The following VAV2 variants were observed in gnomAD, a reference collection of about 807,000 sequenced individuals.
VAV2 encodes vav guanine nucleotide exchange factor 2, also known as guanine nucleotide exchange factor VAV2.
Under a neutral mutation model 132.5 loss-of-function variants are expected in VAV2, and 67 were observed. That is an observed-to-expected ratio of 0.51 (90% CI 0.42 to 0.62). The LOEUF (loss-of-function observed/expected upper bound fraction) is 0.62, where lower values mean the gene tolerates loss of function less well. Among genes scored for constraint, VAV2 ranks in the 20% least tolerant of loss-of-function variants. The pLI, the probability that VAV2 is intolerant of heterozygous loss-of-function variation, is 0.00. For missense variants in VAV2, 938 were observed against 1,153.6 expected (o/e 0.81, Z 2.71); for synonymous variants, 492 against 443.5 (o/e 1.11, Z -1.37).
At position 133,826,945 on chromosome 9, in the gene VAV2, C is replaced by G. The variant is rs1286854997; in HGVS notation, c.449+7327G>C. On this transcript the variant is annotated intron_variant, in intron 4 of 29. Coordinates refer to ENST00000371850, the MANE Select transcript of VAV2 (RefSeq NM_001134398.2). This position sits in a 1 kb window ranked among gnomAD's most constrained non-coding sequence, Gnocchi z 4.2. ...GCACTCATCACGGCGCTCTGTGGCA[C>G]CCAATCCGGGTGCCCTTTCCAAATC... 6.6e-6 allele frequency among the ~76,000 whole-genome samples: 1 copy of G among 152,150 alleles called. No homozygotes were observed. The highest frequency in any genetic ancestry group is 6.5e-5 in the Admixed American group (1 of 15,288).
At position 133,935,365 on chromosome 9, in the gene VAV2, C is replaced by T. The variant is rs1217623318; in HGVS notation, c.321+3738G>A. On this transcript the variant is annotated intron_variant, in intron 2 of 29. Coordinates refer to ENST00000371850, the MANE Select transcript of VAV2 (RefSeq NM_001134398.2). This position sits in a 1 kb window ranked among gnomAD's most constrained non-coding sequence, Gnocchi z 5.2. ...TGGAATGGCCAAGTAAGGAACCAGG[C>T]CTATCAGCCCCGCCCTCCACACCGG... Among the ~76,000 whole-genome samples, 1 of 151,310 alleles carries T rather than the reference C, an allele frequency of 6.6e-6. No individual in the cohort carries two copies. The highest frequency in any genetic ancestry group is 1.5e-5 in the Non-Finnish European group (1 of 68,022).
intron 3 of VAV2, among the ~76,000 whole-genome samples, chr9:133,851,664 G>GTGGATGGATGGATGGATGGA (rs144389638): frequency 5.3e-5 from 8 of 151,150 alleles, no homozygotes; most frequent in African/African-American, 1.7e-4. Flanking sequence ...GGACAGAAGG[G>GTGGATGGATGGATGGATGGA]TGGATGGATG....
intron 22 of VAV2, 126 bp downstream of exon 22, chr9:133,778,636 C>G (rs934581676): frequency 1.1e-5 from 16 of 1,403,802 alleles, no homozygotes; most frequent in Non-Finnish European, 1.1e-5. Flanking sequence ...TGTGCCTCCT[C>G]CTCCCTGGTG....
chr9:133,768,687 T>A lies in VAV2; in HGVS notation c.2435-91A>T. The stretch of plus-strand genomic sequence containing the variant: ...CTTGGGCCAAGCTGGGTCTCTCCCC[T>A]GGTGCCCAGAACCCTGCTCTGTACC... On this transcript the variant is annotated intron_variant, in intron 28 of 29. Transcript: ENST00000371850. This position sits in a 1 kb window ranked among gnomAD's most constrained non-coding sequence, Gnocchi z 5.3. The A allele has an allele frequency of 6.7e-7, 1 of 1,482,502 alleles. No individual in the cohort carries two copies. Among genetic ancestry groups the A allele is most frequent in the Non-Finnish European group, 9.0e-7 (1 of 1,106,680 alleles). The allele number at this position is 1,482,502 out of a possible 1,614,324, so 91.8% of individuals were successfully genotyped here. A position where few individuals can be genotyped will look rare whatever the true frequency, so the allele number is the denominator to read the frequency against.
intron 1 of VAV2, among the ~76,000 whole-genome samples, chr9:133,984,260 C>T (rs1842785736): frequency 6.6e-6 from 1 of 151,438 alleles, no homozygotes; most frequent in Non-Finnish European, 1.5e-5. Flanking sequence ...AGGCGTGAGC[C>T]ACTGTACCTA....
Position 133,874,775 on chromosome 9 carries a change from G to A in VAV2, c.322-13343C>T, listed in dbSNP as rs111919166. On this transcript the variant is annotated intron_variant, in intron 2 of 29. Transcript: ENST00000371850. The stretch of plus-strand genomic sequence containing the variant: ...TGAACCAAGGGGCTGGAACACAGGC[G>A]TCTACACAGGCAGATTCCCATGTGG... Among the ~76,000 whole-genome samples, 823 of 151,990 alleles carry A rather than the reference G, an allele frequency of 5.4e-3. 9 individuals carry two copies. Among genetic ancestry groups the A allele is most frequent in the African/African-American group, 0.019 (775 of 41,452 alleles).
intron 3 of VAV2, among the ~76,000 whole-genome samples, chr9:133,853,607 A>G (rs1837270972): frequency 6.6e-6 from 1 of 151,988 alleles, no homozygotes; most frequent in African/African-American, 2.4e-5. Flanking sequence ...ACTACAGCCA[A>G]CCCACACATG....
intron 1 of VAV2, among the ~76,000 whole-genome samples, chr9:133,971,259 G>T (rs535661924): frequency 3.9e-5 from 6 of 152,172 alleles, no homozygotes; most frequent in Non-Finnish European, 8.8e-5. Flanking sequence ...CTGGGGGTCA[G>T]ACCCACTTGG....
intron 1 of VAV2, among the ~76,000 whole-genome samples, chr9:133,945,269 A>T (rs1268538145): frequency 1.3e-5 from 2 of 152,186 alleles, no homozygotes; most frequent in Non-Finnish European, 2.9e-5. Context: ...TACTTTGACA[A>T]AAACTCAGTC....
rs200564764 is a variant in VAV2 at position 133,788,318 on chromosome 9, G to A, written c.1407+36C>T. 374 of 1,358,566 alleles carry A rather than the reference G, an allele frequency of 2.8e-4. 2 individuals are homozygous for A. Among genetic ancestry groups the A allele is most frequent in the Middle Eastern group, 1.5e-3 (7 of 4,754 alleles). 84.2% of individuals were successfully genotyped at this position (1,358,566 alleles called of 1,614,324 possible). A position where few individuals can be genotyped will look rare whatever the true frequency, so the allele number is the denominator to read the frequency against. On this transcript the variant is annotated intron_variant, in intron 15 of 29. Coordinates refer to ENST00000371850, the MANE Select transcript of VAV2 (RefSeq NM_001134398.2). The surrounding 1 kb of genome is among the most constrained non-coding windows in gnomAD (Gnocchi z 5.3). ...GTGCCTCTCTCCAGGCCACCCCCAC[G>A]TTCCTGGGTAGCAGGGGGGACCCGG...
chr9:133,817,857 G>C (rs543367523), intron 4 of VAV2, among the ~76,000 whole-genome samples: 1 of 152,118 alleles, frequency 6.6e-6, no homozygotes, highest in African/African-American at 2.4e-5. Flanking sequence ...GTCCGTGACC[G>C]TATTTATAAT....
rs549915963 is a variant in VAV2, at chr9:133,928,280, G to T, written c.321+10823C>A. ...TGGTTGTCAAGTTCATCTGAAAGTG[G>T]GTGGGTGAATAACGTCCTGAAATGA... On this transcript the variant is annotated intron_variant, in intron 2 of 29. Transcript: ENST00000371850. This position sits in a 1 kb window ranked among gnomAD's most constrained non-coding sequence, Gnocchi z 5.4. Among the ~76,000 whole-genome samples, 39 of 152,202 alleles carry T rather than the reference G, an allele frequency of 2.6e-4. No homozygotes were observed. Among genetic ancestry groups the T allele is most frequent in the African/African-American group, 8.2e-4 (34 of 41,530 alleles).
intron 1 of VAV2, among the ~76,000 whole-genome samples, chr9:133,979,224 G>A (rs922629636): frequency 7.2e-5 from 11 of 152,328 alleles, no homozygotes; most frequent in South Asian, 4.1e-4. Context: ...GCTGACAGCC[G>A]GGTCCTCGGC....
chr9:133,806,521 C>G (rs1007447789), intron 8 of VAV2, among the ~76,000 whole-genome samples: 8 of 151,700 alleles, frequency 5.3e-5, no homozygotes, highest in African/African-American at 1.9e-4. Flanking sequence ...CCCGGGACCC[C>G]CATCCCCACC....
chr9:133,800,411 AG>A (rs2131645584), intron 9 of VAV2, among the ~76,000 whole-genome samples: 1 of 152,316 alleles, frequency 6.6e-6, no homozygotes, highest in South Asian at 2.1e-4. Context: ...AAGGAAAGAC[AG>A]AGTCCCCAGC....
intron 1 of VAV2, among the ~76,000 whole-genome samples, chr9:133,956,797 C>G (rs1213106787): frequency 6.6e-6 from 1 of 152,230 alleles, no homozygotes; most frequent in African/African-American, 2.4e-5. Flanking sequence ...CTTCCGCCCC[C>G]ACCCAGGCGG....
chr9:133,979,511 C>G (rs419240), intron 1 of VAV2, among the ~76,000 whole-genome samples: 51,731 of 152,080 alleles, frequency 0.34, 9,208 homozygotes, highest in Middle Eastern at 0.42. Context: ...ACGCCGCAGC[C>G]GTCCGGAACT....
In VAV2 at chr9:133,840,746, T is replaced by C. The variant is rs1836687861; in HGVS notation, c.381-6406A>G. 6.6e-6 allele frequency among the ~76,000 whole-genome samples: 1 copy of C among 152,178 alleles called. No homozygotes were observed. The highest frequency in any genetic ancestry group is 1.5e-5 in the Non-Finnish European group (1 of 68,034). On this transcript the variant is annotated intron_variant, in intron 3 of 29. Transcript: ENST00000371850. The surrounding 1 kb of genome is among the most constrained non-coding windows in gnomAD (Gnocchi z 4.5). ...ACTGATTCAGGGAGAAGGAACAGCT[T>C]GAATCTCGCTTTGGGATAATAAATC... is the stretch of plus-strand genomic sequence containing the variant.
intron 10 of VAV2, 57 bp from the exon 11 acceptor site, chr9:133,796,581 C>A: frequency 6.7e-7 from 1 of 1,495,856 alleles, no homozygotes; most frequent in East Asian, 2.3e-5. Flanking sequence ...TGAACCCACC[C>A]ACCTGTACCC....
Sources: gnomAD v4.1 joint callset for allele counts (sites outside exome capture counted in the v4.1 genomes callset) on GRCh38, gnomAD v4.1.1 for gene constraint, Gnocchi (gnomAD v3.1) non-coding constraint, MANE v1.5 for transcripts, NCBI Gene and HGNC (gene_info 2026-07-23, HGNC 2026-07-21) for gene names.